OR1D2: variants seen among roughly 807,000 people sequenced by gnomAD.
OR1D2 encodes olfactory receptor family 1 subfamily D member 2.
For synonymous variants in OR1D2, 157 were observed against 153.9 expected, an observed-to-expected ratio of 1.02 and a Z score of -0.15; for missense variants, 357 against 376.1, an observed-to-expected ratio of 0.95 and a Z score of 0.42.
At chr17:3,095,679 CTATT>C (rs913613609) in intron 1 of OR1D2, among the ~76,000 whole-genome samples, 19 of 151,636 alleles carry the variant, frequency 1.3e-4, no homozygotes, top group Admixed American at 2.6e-4. Context: ...TTACATATAT[CTATT>C]AAGTATGACA....
chr17:3,093,926 G>C (rs1011340720), intron 1 of OR1D2, among the ~76,000 whole-genome samples: 3 of 152,226 alleles, frequency 2.0e-5, no homozygotes, highest in East Asian at 3.9e-4. Flanking sequence ...ATTATAACAG[G>C]GTTTTGGAGA....
At chr17:3,099,983 T>A (rs1168148701) in intron 1 of OR1D2, among the ~76,000 whole-genome samples, 1 of 152,068 alleles carries the variant, frequency 6.6e-6, no homozygotes, top group African/African-American at 2.4e-5. Flanking sequence ...AAGCTAACTA[T>A]CCTAAATATA....
rs1431978646 is a variant in OR1D2, at chr17:3,104,299, A to C, written c.-251T>G. ...GGGTCTTCAGCTTCTGTAAAAAAGG[A>C]GACAGGATTTCAGGCTATTGATGCC... On this transcript the variant is annotated 5_prime_UTR_variant, in exon 1 of 2. Transcript: ENST00000641833. 6.6e-6 allele frequency: 1 copy of C among 152,208 alleles called. No individual in the cohort carries two copies. The allele number at this position is 152,208 out of a possible 1,614,324, so 9.4% of individuals were successfully genotyped here.
rs532822123 is a variant in OR1D2, at chr17:3,090,270, A to T, written c.*1788T>A. 6.6e-6 allele frequency: 1 copy of T among 151,942 alleles called. No individual in the cohort carries two copies. Among genetic ancestry groups the T allele is most frequent in the Non-Finnish European group, 1.5e-5 (1 of 67,988 alleles). 9.4% of individuals were successfully genotyped at this position (151,942 alleles called of 1,614,324 possible). On this transcript the variant is annotated 3_prime_UTR_variant, in exon 2 of 2. Transcript: ENST00000641833. ...CTTTTGAGTTTTTTAAAGTTTAGTC[A>T]TTGTATTATTTAGCTCCAGAATTAC...
At position 3,092,302 on chromosome 17, in the gene OR1D2, G is replaced by A. The variant is rs116941477; in HGVS notation, c.695C>T (p.Ser232Phe). The A allele has an allele frequency of 6.2e-7, 1 of 1,614,200 alleles. No individual in the cohort carries two copies. Among genetic ancestry groups the A allele is most frequent in the Non-Finnish European group, 8.5e-7 (1 of 1,180,022 alleles). ...GGTGGAGAAGGCTTTGTATTTCTTAGAGACTGAGGGTATTCTGAGGATGGC... is the reference window on the plus strand; with the variant it reads ...GGTGGAGAAGGCTTTGTATTTCTTAAAGACTGAGGGTATTCTGAGGATGGC... ...IRAILRIPSVSKKYKAFSTCA... is the reference protein window; with the variant it reads ...IRAILRIPSVFKKYKAFSTCA... Residue 232 changes from serine (S) to phenylalanine (F), a missense_variant, in exon 2 of 2, where the codon TCT (serine) becomes TTT (phenylalanine). Physicochemically the swap from Ser to Phe is radical, Grantham distance 155. Transcript: ENST00000641833.
At chr17:3,100,551 T>G (rs2047869939) in intron 1 of OR1D2, among the ~76,000 whole-genome samples, 1 of 152,148 alleles carries the variant, frequency 6.6e-6, no homozygotes, top group Non-Finnish European at 1.5e-5. Flanking sequence ...TTTATAGCAC[T>G]AAATGCCCAC....
At chr17:3,093,679 T>C (rs1372598977) in intron 1 of OR1D2, among the ~76,000 whole-genome samples, 1 of 152,194 alleles carries the variant, frequency 6.6e-6, no homozygotes, top group Non-Finnish European at 1.5e-5. Context: ...ATTATTGTTA[T>C]ATTTAACGAG....
chr17:3,101,382 A>G (rs527905011), intron 1 of OR1D2, among the ~76,000 whole-genome samples: 2 of 152,108 alleles, frequency 1.3e-5, no homozygotes, highest in South Asian at 4.1e-4. Flanking sequence ...ATAAATCAAT[A>G]AACATAATCC....
Position 3,092,190 on chromosome 17 carries a change from C to T in OR1D2, c.807G>A (p.Lys269=). ...CATACATCACTGTGGCTACTGAGTC[C>T]TTCACAGAGTAGGTATGGAGGGGCT... The part of the protein sequence containing the change: ...YLKPLHTYSV[K]DSVATVMYAV... Residue 269 remains lysine, a synonymous_variant, in exon 2 of 2, where the codon AAG becomes AAA. Transcript: ENST00000641833. 6.2e-7 allele frequency: 1 copy of T among 1,614,168 alleles called. No homozygotes were observed. The highest frequency in any genetic ancestry group is 8.5e-7 in the Non-Finnish European group (1 of 1,180,018).
Position 3,102,260 on chromosome 17 carries a change from T to G in OR1D2, c.-51+1839A>C, listed in dbSNP as rs905162392. On this transcript the variant is annotated intron_variant, in intron 1 of 1. Coordinates refer to ENST00000641833, the MANE Select transcript of OR1D2 (RefSeq NM_002548.3). ...GTAATTTGGAGTGCCAGATTTGGGG[T>G]GGGGTGAGGGTATATGGCAGTCCTA... Among the ~76,000 whole-genome samples, 6 of 151,830 alleles carry G rather than the reference T, an allele frequency of 4.0e-5. No individual in the cohort carries two copies. The South Asian group carries it at 6.2e-4, about 16-fold the overall frequency.
Position 3,092,501 on chromosome 17 carries a change from C to T in OR1D2, c.496G>A (p.Val166Met). 1 of 1,614,116 alleles carries T rather than the reference C, an allele frequency of 6.2e-7. No homozygotes were observed. Among genetic ancestry groups the T allele is most frequent in the Non-Finnish European group, 8.5e-7 (1 of 1,180,044 alleles). The change falls in exon 2 of 2, where the codon GTG (valine) becomes ATG (methionine). Residue 166 changes from valine to methionine, a missense_variant. Val to Met is a conservative substitution (Grantham distance 21). Transcript: ENST00000641833. ...ATTTTTCGTGACCCACAGAAGGTCA[C>T]TCTGGTCATGAGGAGGGTGTGTATG... is the stretch of plus-strand genomic sequence containing the variant. ...GLIHTLLMTR[V>M]TFCGSRKIHY...
Position 3,092,231 on chromosome 17 carries a change from A to C in OR1D2, c.766T>G (p.Cys256Gly), listed in dbSNP as rs1406877619. The C allele has an allele frequency of 4.3e-6, 7 of 1,614,228 alleles. No individual in the cohort carries two copies. Among genetic ancestry groups the C allele is most frequent in the Non-Finnish European group, 5.9e-6 (7 of 1,180,036 alleles). ...GAVSLFYGTLCMVYLKPLHTY... is the reference protein window; with the variant it reads ...GAVSLFYGTLGMVYLKPLHTY... Reference sequence around the variant, plus strand: ...TGGAGGGGCTTTAGGTATACCATACAAAGTGTCCCATAGAAGAGGGAGACT... The same window carrying C: ...TGGAGGGGCTTTAGGTATACCATACCAAGTGTCCCATAGAAGAGGGAGACT... The change falls in exon 2 of 2, where the codon TGT becomes GGT. Residue 256 changes from cysteine (C) to glycine (G), a missense_variant. Physicochemically the swap from Cys to Gly is radical, Grantham distance 159 (BLOSUM62 -3). Coordinates refer to ENST00000641833, the MANE Select transcript of OR1D2 (RefSeq NM_002548.3).
intron 1 of OR1D2, among the ~76,000 whole-genome samples, chr17:3,098,993 AGAAAT>A (rs1274149303): frequency 6.6e-6 from 1 of 152,186 alleles, no homozygotes; most frequent in African/African-American, 2.4e-5. Context: ...AAGAATGAAA[AGAAAT>A]GAAGAAAGCC....
At chr17:3,097,090 A>T (rs1398095045) in intron 1 of OR1D2, among the ~76,000 whole-genome samples, 1 of 152,236 alleles carries the variant, frequency 6.6e-6, no homozygotes, top group African/African-American at 2.4e-5. Context: ...TCCATATGTT[A>T]CTTCATTTCC....
chr17:3,093,598 G>A (rs969725491), intron 1 of OR1D2, among the ~76,000 whole-genome samples: 1 of 152,134 alleles, frequency 6.6e-6, no homozygotes, highest in Non-Finnish European at 1.5e-5. Context: ...GTTATAGGGT[G>A]GGGGAAAATT....
In OR1D2 at chr17:3,092,396, C is replaced by T. The variant is rs552712917; in HGVS notation, c.601G>A (p.Ala201Thr). 2 of 1,614,160 alleles carry T rather than the reference C, an allele frequency of 1.2e-6. No homozygotes were observed. The highest frequency in any genetic ancestry group is 8.5e-7 in the Non-Finnish European group (1 of 1,180,022). The change falls in exon 2 of 2, where the codon GCC (alanine) becomes ACC (threonine). Residue 201 changes from alanine (A) to threonine (T), a missense_variant. Coordinates refer to ENST00000641833, the MANE Select transcript of OR1D2 (RefSeq NM_002548.3). ...ATGAGGAAGATGAAGCAGCCTGTGG[C>T]AATCAGCACTGTGTGATTAATCTGA... ...NIQINHTVLIATGCFIFLIPF... is the reference protein window; with the variant it reads ...NIQINHTVLITTGCFIFLIPF...
At chr17:3,102,458 T>C (rs534491508) in intron 1 of OR1D2, among the ~76,000 whole-genome samples, 54 of 152,352 alleles carry the variant, frequency 3.5e-4, no homozygotes, top group Non-Finnish European at 6.6e-4. Flanking sequence ...GACACACACA[T>C]ACATACATAC....
chr17:3,094,923 C>T (rs376212920), intron 1 of OR1D2, among the ~76,000 whole-genome samples: 5 of 151,624 alleles, frequency 3.3e-5, no homozygotes, highest in East Asian at 1.9e-4. Context: ...ATTGAACTAG[C>T]AGAAAAAATA....
chr17:3,091,149 C>T lies in OR1D2; in HGVS notation c.*909G>A, dbSNP rs552057023. ...TTTCACTTGGATTCTGGAGCTCTCA[C>T]AAAGGTATTTTCATCTGTGGATGGT... On this transcript the variant is annotated 3_prime_UTR_variant, in exon 2 of 2. Transcript: ENST00000641833. 6.6e-6 allele frequency: 1 copy of T among 152,232 alleles called. No individual in the cohort carries two copies. Among genetic ancestry groups the T allele is most frequent in the South Asian group, 2.1e-4 (1 of 4,822 alleles). 9.4% of individuals were successfully genotyped at this position (152,232 alleles called of 1,614,324 possible).
Sources: gnomAD v4.1 joint callset for allele counts (sites outside exome capture counted in the v4.1 genomes callset) on GRCh38, gnomAD v4.1.1 for gene constraint, MANE v1.5 for transcripts, NCBI Gene and HGNC (gene_info 2026-07-23, HGNC 2026-07-21) for gene names.